Variants in PDE8B observed in about 807,000 individuals in gnomAD.
The protein encoded by PDE8B is high affinity cAMP-specific and IBMX-insensitive 3',5'-cyclic phosphodiesterase 8B.
A neutral mutation model predicts 101.3 loss-of-function variants in PDE8B; 26 were observed. That is an observed-to-expected ratio of 0.26 (90% CI 0.19 to 0.36). PDE8B has a LOEUF of 0.36. Among genes scored for constraint, PDE8B ranks in the 10% least tolerant of loss-of-function variants. The pLI is 1.00. For synonymous variants in PDE8B, 424 were observed against 429.3 expected (o/e 0.99, Z 0.15); for missense variants, 810 against 1,163.1 (o/e 0.70, Z 4.42).
intron 18 of PDE8B, 136 bp downstream of exon 18, chr5:77,418,582 A>C: frequency 1.4e-6 from 1 of 714,462 alleles, no homozygotes; most frequent in South Asian, 1.6e-5. Context: ...CTTGCCCTTA[A>C]CTTAATTTGA....
the PDE8B span, among the ~76,000 whole-genome samples, chr5:77,101,135 G>GT: frequency 0.013 from 1,791 of 133,216 alleles, 34 homozygotes; most frequent in African/African-American, 0.034. Context: ...ACGCCTGCCT[G>GT]TTTTTTTTTT....
Position 77,211,126 on chromosome 5 carries a change from C to G in PDE8B, c.201C>G (p.Val67=). Residue 67 remains valine (V), a synonymous_variant, in exon 1 of 22, where the codon GTC becomes GTG. Coordinates refer to ENST00000264917, the MANE Select transcript of PDE8B (RefSeq NM_003719.5). This position sits in a 1 kb window ranked among gnomAD's most constrained non-coding sequence, Gnocchi z 4.1. The part of the protein sequence containing the change: ...RASGPPSVAR[V]RRARTELGSG... ...CGGGACCCCCCAGCGTAGCCCGCGT[C>G]CGCAGGGCCCGCACCGAGCTGGGCA... 1 of 1,505,564 alleles carries G rather than the reference C, an allele frequency of 6.6e-7. No individual in the cohort carries two copies. Among genetic ancestry groups the G allele is most frequent in the Non-Finnish European group, 8.8e-7 (1 of 1,134,490 alleles). 93.3% of individuals were successfully genotyped at this position (1,505,564 alleles called of 1,614,324 possible). A position where few individuals can be genotyped will look rare whatever the true frequency, so the allele number is the denominator to read the frequency against.
intron 1 of PDE8B, among the ~76,000 whole-genome samples, chr5:77,308,113 G>C (rs765458939): frequency 2.0e-5 from 3 of 152,224 alleles, no homozygotes; most frequent in Admixed American, 6.5e-5. Flanking sequence ...ACTGCCGTCT[G>C]TGAATACACC....
intron 1 of PDE8B, among the ~76,000 whole-genome samples, chr5:77,269,401 A>G (rs760526220): frequency 1.3e-5 from 2 of 152,086 alleles, no homozygotes; most frequent in Non-Finnish European, 2.9e-5. Context: ...TTAGTTTGCA[A>G]ATATTTTCTC....
chr5:77,148,863 C>G, the PDE8B span, among the ~76,000 whole-genome samples: 78,086 of 151,580 alleles, frequency 0.52, 22,065 homozygotes, highest in East Asian at 0.88. Flanking sequence ...TTTTGAAGTG[C>G]AAAAGTTTGA....
intron 1 of PDE8B, among the ~76,000 whole-genome samples, chr5:77,246,401 G>A (rs1236790672): frequency 1.3e-5 from 2 of 152,140 alleles, no homozygotes; most frequent in East Asian, 3.9e-4. Context: ...CCTGACTTAT[G>A]TACAATTTAT....
At chr5:77,118,573 A>G in the PDE8B span, 5 of 393,832 alleles carry the variant, frequency 1.3e-5, no homozygotes, top group East Asian at 1.8e-4. Flanking sequence ...TATTTCTCAG[A>G]TCAGTGCCCT....
chr5:77,250,210 C>T (rs1404211527), intron 1 of PDE8B, among the ~76,000 whole-genome samples: 1 of 152,218 alleles, frequency 6.6e-6, no homozygotes, highest in Non-Finnish European at 1.5e-5. Context: ...CACAGCAACT[C>T]TGTGAGGTAG....
intron 11 of PDE8B, among the ~76,000 whole-genome samples, chr5:77,403,476 T>C (rs1178752887): frequency 1.3e-5 from 2 of 152,192 alleles, no homozygotes; most frequent in Non-Finnish European, 2.9e-5. Flanking sequence ...AATCTCGTAA[T>C]TTAAATCTCT....
chr5:77,278,095 C>T (rs763983075), intron 1 of PDE8B, among the ~76,000 whole-genome samples: 2 of 152,242 alleles, frequency 1.3e-5, no homozygotes, highest in African/African-American at 2.4e-5. Flanking sequence ...CTGGGACCAT[C>T]GCTGGGTCTT....
At chr5:77,411,742 T>C (rs1335156155) in intron 15 of PDE8B, 21 bp downstream of exon 15, 1 of 1,574,754 alleles carries the variant, frequency 6.4e-7, no homozygotes, top group Non-Finnish European at 8.7e-7. Context: ...ATCTATTTAC[T>C]TGTTAGTGTA....
intron 1 of PDE8B, among the ~76,000 whole-genome samples, chr5:77,241,736 A>G (rs1437381892): frequency 1.3e-5 from 2 of 152,270 alleles, no homozygotes; most frequent in Non-Finnish European, 2.9e-5. Flanking sequence ...CACGTTGGCC[A>G]TCAGATTATT....
chr5:77,156,527 A>G, the PDE8B span, among the ~76,000 whole-genome samples: 6 of 152,202 alleles, frequency 3.9e-5, no homozygotes, highest in African/African-American at 1.4e-4. Context: ...TGTCTATTAC[A>G]TACTGTGAAT....
chr5:77,255,953 A>G (rs1759072839), intron 1 of PDE8B, among the ~76,000 whole-genome samples: 1 of 152,110 alleles, frequency 6.6e-6, no homozygotes, highest in Admixed American at 6.5e-5. Context: ...TTCATCTTGG[A>G]GTAAGCCCTG....
intron 1 of PDE8B, among the ~76,000 whole-genome samples, chr5:77,269,296 G>A (rs1333575856): frequency 1.3e-5 from 2 of 151,882 alleles, no homozygotes; most frequent in Admixed American, 1.3e-4. Context: ...TGTCTATTCA[G>A]GTCTTTTGCC....
intron 1 of PDE8B, among the ~76,000 whole-genome samples, chr5:77,245,516 T>C (rs1756671752): frequency 6.6e-6 from 1 of 152,222 alleles, no homozygotes; most frequent in South Asian, 2.1e-4. Flanking sequence ...GGCCCAGACC[T>C]TCAGGAACTT....
the PDE8B span, among the ~76,000 whole-genome samples, chr5:77,099,141 C>A: frequency 2.6e-5 from 4 of 152,126 alleles, no homozygotes; most frequent in Non-Finnish European, 2.9e-5. Flanking sequence ...TAAAACTTAT[C>A]TTTGAGACTG....
chr5:77,316,572 A>G (rs921755754), intron 2 of PDE8B, among the ~76,000 whole-genome samples: 2 of 152,192 alleles, frequency 1.3e-5, no homozygotes, highest in Admixed American at 1.3e-4. Context: ...GTCAAATTTT[A>G]TAACAAAATC....
the PDE8B span, chr5:77,119,290 C>T: frequency 6.6e-6 from 1 of 152,202 alleles, no homozygotes; most frequent in Non-Finnish European, 1.5e-5. Flanking sequence ...CACACACTTT[C>T]TATGACCCAG....
Sources: allele counts gnomAD v4.1 joint callset (sites outside exome capture counted in the v4.1 genomes callset), GRCh38; gene constraint gnomAD v4.1.1; non-coding constraint Gnocchi (gnomAD v3.1); transcripts MANE v1.5; gene names NCBI Gene and HGNC (gene_info 2026-07-23, HGNC 2026-07-21).